C8orf34: variants seen among roughly 807,000 people sequenced by gnomAD.
C8orf34 encodes uncharacterized protein C8orf34.
In C8orf34, 65 loss-of-function variants were observed where a neutral mutation model predicts 68.3. The observed-to-expected ratio is 0.95, with a 90% CI of 0.78 to 1.17. The LOEUF (loss-of-function observed/expected upper bound fraction) is 1.17. C8orf34 is among the 50% of genes most tolerant of loss of function. The pLI, the probability that C8orf34 is intolerant of heterozygous loss-of-function variation, is 0.00. For synonymous variants in C8orf34, 244 were observed against 241.2 expected (o/e 1.01, Z -0.11); for missense variants, 664 against 655.4 (o/e 1.01, Z -0.14).
chr8:68,414,842 A>G (rs1379581179), intron 1 of C8orf34, among the ~76,000 whole-genome samples: 1 of 152,126 alleles, frequency 6.6e-6, no homozygotes, highest in African/African-American at 2.4e-5. Flanking sequence ...TGTGATATCA[A>G]CTTGTCCACC....
intron 7 of C8orf34, among the ~76,000 whole-genome samples, chr8:68,630,789 T>G (rs1347962975): frequency 6.6e-6 from 1 of 151,170 alleles, no homozygotes; most frequent in East Asian, 1.9e-4. Flanking sequence ...TATATTTCAG[T>G]TTTTTTTGCA....
intron 10 of C8orf34, among the ~76,000 whole-genome samples, chr8:68,735,166 T>C (rs1822088760): frequency 6.6e-6 from 1 of 152,202 alleles, no homozygotes; most frequent in Admixed American, 6.5e-5. Context: ...CTTGGGGCAC[T>C]AATGGGATTC....
chr8:68,605,148 C>T (rs1351667673), intron 7 of C8orf34, among the ~76,000 whole-genome samples: 1 of 152,038 alleles, frequency 6.6e-6, no homozygotes, highest in African/African-American at 2.4e-5. Context: ...CAAATTAAAA[C>T]AGCAATGAGA....
intron 1 of C8orf34, among the ~76,000 whole-genome samples, chr8:68,423,995 C>T (rs1454202009): frequency 6.6e-6 from 1 of 152,156 alleles, no homozygotes; most frequent in African/African-American, 2.4e-5. Context: ...CTGCCCTTGA[C>T]ACATGGGGTT....
chr8:68,449,579 A>T (rs1460163282), intron 3 of C8orf34, among the ~76,000 whole-genome samples: 1 of 151,844 alleles, frequency 6.6e-6, no homozygotes, highest in African/African-American at 2.4e-5. Flanking sequence ...CAGTCGCACA[A>T]TTTTTTTTGT....
chr8:68,371,361 A>G (rs977215028), intron 1 of C8orf34, among the ~76,000 whole-genome samples: 2 of 152,234 alleles, frequency 1.3e-5, no homozygotes, highest in South Asian at 2.1e-4. Flanking sequence ...GGCAAATTAT[A>G]GAATTGCAGC....
intron 1 of C8orf34, among the ~76,000 whole-genome samples, chr8:68,389,563 A>G (rs1034749919): frequency 3.3e-5 from 5 of 152,192 alleles, no homozygotes; most frequent in Non-Finnish European, 7.3e-5. Flanking sequence ...CACATGGTAC[A>G]TTAGCCTCCC....
chr8:68,759,198 CATTCA>C (rs1466380305), intron 10 of C8orf34, among the ~76,000 whole-genome samples: 14 of 152,094 alleles, frequency 9.2e-5, no homozygotes, highest in African/African-American at 3.4e-4. Flanking sequence ...ATTATATAGA[CATTCA>C]TTTTACTTAC....
intron 8 of C8orf34, among the ~76,000 whole-genome samples, chr8:68,694,695 T>G (rs1241014194): frequency 7.9e-5 from 12 of 152,042 alleles, no homozygotes; most frequent in Non-Finnish European, 1.8e-4. Context: ...AGCTTATATT[T>G]CACTTTTTTA....
chr8:68,331,948 A>G (rs962838261), intron 1 of C8orf34, among the ~76,000 whole-genome samples: 2 of 149,540 alleles, frequency 1.3e-5, no homozygotes, highest in Non-Finnish European at 3.0e-5. Context: ...GCAAACTGAG[A>G]GACTGCCATT....
intron 7 of C8orf34, among the ~76,000 whole-genome samples, chr8:68,637,096 A>T (rs1818869358): frequency 6.6e-6 from 1 of 152,236 alleles, no homozygotes; most frequent in South Asian, 2.1e-4. Flanking sequence ...AAGAAGTATC[A>T]GCAATGGTAC....
intron 7 of C8orf34, among the ~76,000 whole-genome samples, chr8:68,554,340 A>G (rs965846174): frequency 1.3e-5 from 2 of 152,154 alleles, no homozygotes; most frequent in African/African-American, 4.8e-5. Context: ...AATTAAGTTT[A>G]GTGGATGACC....
chr8:68,704,316 G>A (rs1362318706), intron 8 of C8orf34, among the ~76,000 whole-genome samples: 1 of 152,142 alleles, frequency 6.6e-6, no homozygotes, highest in African/African-American at 2.4e-5. Context: ...GTAAAATGCA[G>A]AGGGATGGCG....
chr8:68,636,455 T>G (rs1818849306), intron 7 of C8orf34, among the ~76,000 whole-genome samples: 1 of 151,004 alleles, frequency 6.6e-6, no homozygotes, highest in Non-Finnish European at 1.5e-5. Context: ...TGTCGTGGTA[T>G]GTGCTTGTAA....
chr8:68,590,927 G>A (rs1326813364), intron 7 of C8orf34, among the ~76,000 whole-genome samples: 2 of 152,150 alleles, frequency 1.3e-5, no homozygotes, highest in Non-Finnish European at 2.9e-5. Context: ...TCGTGGGGGA[G>A]CTCTCCTTGG....
At chr8:68,408,434 G>T (rs1342094394) in intron 1 of C8orf34, among the ~76,000 whole-genome samples, 1 of 152,036 alleles carries the variant, frequency 6.6e-6, no homozygotes, top group African/African-American at 2.4e-5. Context: ...ATTGTCTTCT[G>T]CAAAACTGCT....
intron 12 of C8orf34, among the ~76,000 whole-genome samples, chr8:68,809,414 C>G (rs1303396504): frequency 6.6e-6 from 1 of 152,224 alleles, no homozygotes; most frequent in South Asian, 2.1e-4. Flanking sequence ...AGAGTGACCT[C>G]TCTATTAGAT....
chr8:68,497,910 C>T (rs983617770), intron 5 of C8orf34, among the ~76,000 whole-genome samples: 1 of 152,104 alleles, frequency 6.6e-6, no homozygotes, highest in Non-Finnish European at 1.5e-5. Context: ...ATCACCGCAA[C>T]CTCCGCCTCC....
chr8:68,807,710 T>C (rs749454548), intron 12 of C8orf34, among the ~76,000 whole-genome samples: 7 of 152,236 alleles, frequency 4.6e-5, no homozygotes, highest in Non-Finnish European at 1.0e-4. Flanking sequence ...ATATATGATA[T>C]GTTGCAAAGA....
Sources: allele counts gnomAD v4.1 joint callset (sites outside exome capture counted in the v4.1 genomes callset), GRCh38; gene constraint gnomAD v4.1.1; transcripts MANE v1.5; gene names NCBI Gene and HGNC (gene_info 2026-07-23, HGNC 2026-07-21).